FOXJ2: variants seen among roughly 807,000 people sequenced by gnomAD.
FOXJ2 encodes forkhead box J2.
FOXJ2 carries 18 observed loss-of-function variants against 68.4 expected under a neutral mutation model. The ratio of observed to expected loss-of-function variants is 0.26; its 90% CI spans 0.18 to 0.39. FOXJ2 has a LOEUF of 0.39. Ranked by LOEUF, FOXJ2 falls within the 10% of genes least tolerant of loss-of-function variation. FOXJ2 has a pLI of 1.00. For synonymous variants in FOXJ2, 274 were observed against 263.2 expected (o/e 1.04, Z -0.40); for missense variants, 670 against 726.5 (o/e 0.92, Z 0.89).
Position 8,048,728 on chromosome 12 carries a change from C to T in FOXJ2, c.1257C>T (p.Asp419=). The T allele has an allele frequency of 3.1e-6, 5 of 1,614,154 alleles. No individual in the cohort carries two copies. The highest frequency in any genetic ancestry group is 4.2e-6 in the Non-Finnish European group (5 of 1,180,022). The change falls in exon 8 of 11, where the codon GAC becomes GAT. Residue 419 remains aspartate (D), a synonymous_variant. Coordinates refer to ENST00000162391, the MANE Select transcript of FOXJ2 (RefSeq NM_018416.3). ...CTTCTGACTGGTGCTCTAATATTGA[C>T]TCTTTAAAGGAAAGCTTCAAGATGG... ...AFPSDWCSNI[D]SLKESFKMVN...
chr12:8,039,992 C>T lies in FOXJ2; in HGVS notation c.160C>T (p.Leu54=). ...PGSPTDPNAT[L]SKDEAAVHQD... ...GTCACCCACAGATCCTAATGCCACC[C>T]TGAGCAAAGACGAGGCAGCAGTGCA... is the stretch of plus-strand genomic sequence containing the variant. Residue 54 remains leucine, a synonymous_variant, in exon 2 of 11, where the codon CTG becomes TTG. Transcript: ENST00000162391. The T allele has an allele frequency of 1.2e-6, 2 of 1,614,140 alleles. No individual in the cohort carries two copies. Among genetic ancestry groups the T allele is most frequent in the Non-Finnish European group, 1.7e-6 (2 of 1,180,038 alleles).
At chr12:8,037,284 G>T (rs10846377) in intron 1 of FOXJ2, among the ~76,000 whole-genome samples, 70,223 of 151,688 alleles carry the variant, frequency 0.46, 18,216 homozygotes, top group African/African-American at 0.72. Context: ...AGAACGGTGC[G>T]GAAAGATCAA....
At chr12:8,050,425 G>A (rs1947100965) in intron 9 of FOXJ2, 97 bp from the exon 10 acceptor site, 2 of 1,491,436 alleles carry the variant, frequency 1.3e-6, no homozygotes, top group South Asian at 2.8e-5. Flanking sequence ...AAGAGAGAAG[G>A]AGGATGGGAG....
rs991296818 is a variant in FOXJ2, at chr12:8,042,675, C to T, written c.351C>T (p.Asn117=). The T allele has an allele frequency of 1.2e-6, 2 of 1,614,032 alleles. No individual in the cohort carries two copies. Among genetic ancestry groups the T allele is most frequent in the African/African-American group, 2.7e-5 (2 of 74,924 alleles). ...GIGWKNSIRH[N]LSLNKCFRKV... is the part of the protein sequence containing the mutation. ...CTCTCCAGAATTCAATACGGCACAA[C>T]CTTTCTCTCAACAAGTGTTTCCGGA... is the stretch of plus-strand genomic sequence containing the variant. The change falls in exon 3 of 11, where the codon AAC becomes AAT. Residue 117 remains asparagine, a synonymous_variant. Coordinates refer to ENST00000162391, the MANE Select transcript of FOXJ2 (RefSeq NM_018416.3).
chr12:8,050,155 G>A (rs898582308), intron 9 of FOXJ2: 11 of 215,332 alleles, frequency 5.1e-5, no homozygotes, highest in South Asian at 2.4e-4. Flanking sequence ...TTTGTATTTT[G>A]TGTATAGCTG....
At chr12:8,034,486 C>T (rs756804377) in intron 1 of FOXJ2, among the ~76,000 whole-genome samples, 9 of 152,278 alleles carry the variant, frequency 5.9e-5, no homozygotes, top group Non-Finnish European at 1.2e-4. Context: ...TGTTCTGAGG[C>T]GAGAAGAAAG....
intron 10 of FOXJ2, among the ~76,000 whole-genome samples, chr12:8,051,135 T>TCCCTTCCCCA (rs376171537): frequency 7.7e-6 from 1 of 130,520 alleles, no homozygotes; most frequent in Non-Finnish European, 1.6e-5. Context: ...TCCCTTCCCC[T>TCCCTTCCCCA]TTTCTTTTCT....
rs372118289 is a variant in FOXJ2 at position 8,047,961 on chromosome 12, A to ACAGCAG, written c.914_919dup (p.Gln305_Gln306dup). On this transcript the variant is annotated inframe_insertion, in exon 7 of 11. Coordinates refer to ENST00000162391, the MANE Select transcript of FOXJ2 (RefSeq NM_018416.3). Reference sequence around the variant, plus strand: ...AGCAGCAGCAGCCACCGCCACCTCAACAGCAGCAGCAGCAGCAGCAGCCGC... The same window carrying ACAGCAG: ...AGCAGCAGCAGCCACCGCCACCTCAACAGCAGCAGCAGCAGCAGCAGCAGCAGCCGC... 18 of 1,609,852 alleles carry ACAGCAG rather than the reference A, an allele frequency of 1.1e-5. No homozygotes were observed. The highest frequency in any genetic ancestry group is 3.3e-4 in the Middle Eastern group (2 of 6,018).
At position 8,035,804 on chromosome 12, in the gene FOXJ2, C is replaced by T. The variant is rs1946887646; in HGVS notation, c.-15+1971C>T. On this transcript the variant is annotated intron_variant, in intron 1 of 10. Transcript: ENST00000162391. This position sits in a 1 kb window ranked among gnomAD's most constrained non-coding sequence, Gnocchi z 4.0. The stretch of plus-strand genomic sequence containing the variant: ...TTTCCCAGACCATGTCTTATGACTA[C>T]ACCTAGTTCCCCCGGGAAGATAAGA... 6.6e-6 allele frequency among the ~76,000 whole-genome samples: 1 copy of T among 152,172 alleles called. No homozygotes were observed. The highest frequency in any genetic ancestry group is 2.1e-4 in the South Asian group (1 of 4,824).
At chr12:8,045,955 G>C (rs1246785204) in intron 6 of FOXJ2, among the ~76,000 whole-genome samples, 1 of 152,196 alleles carries the variant, frequency 6.6e-6, no homozygotes, top group Non-Finnish European at 1.5e-5. Flanking sequence ...CACTGTGCCT[G>C]ACCCATATTT....
chr12:8,041,300 C>G (rs746576277), intron 2 of FOXJ2, among the ~76,000 whole-genome samples: 3 of 151,842 alleles, frequency 2.0e-5, no homozygotes, highest in African/African-American at 7.3e-5. Context: ...CTCCTGGGTT[C>G]AAGCAATCCT....
rs1337085013 is a variant in FOXJ2 at position 8,049,405 on chromosome 12, C to T, written c.1371C>T (p.Thr457=). ...SLRQAEQKNW[T]LDQHHIANLC... is the part of the protein sequence containing the mutation. ...GACAGGCAGAGCAGAAGAACTGGAC[C>T]CTCGACCAGCATCACATTGCCAATC... The change falls in exon 9 of 11, where the codon ACC becomes ACT. Residue 457 remains threonine, a synonymous_variant. Transcript: ENST00000162391. The T allele has an allele frequency of 2.5e-6, 4 of 1,613,944 alleles. No individual in the cohort carries two copies. The highest frequency in any genetic ancestry group is 3.4e-6 in the Non-Finnish European group (4 of 1,179,960).
chr12:8,048,610 A>T, intron 7 of FOXJ2, 87 bp from the exon 8 acceptor site: 7 of 1,305,928 alleles, frequency 5.4e-6, no homozygotes, highest in Non-Finnish European at 7.7e-6. Context: ...AGATGCAAGA[A>T]TCTTGCATGT....
In FOXJ2 at chr12:8,040,158, G is replaced by T; in HGVS notation, c.326G>T (p.Gly109Val). The T allele has an allele frequency of 6.2e-7, 1 of 1,613,960 alleles. No individual in the cohort carries two copies. The highest frequency in any genetic ancestry group is 8.5e-7 in the Non-Finnish European group (1 of 1,179,816). ...NFPYYKNAGIGWKNSIRHNLS... is the reference protein window; with the variant it reads ...NFPYYKNAGIVWKNSIRHNLS... Reference sequence around the variant, plus strand: ...CCCTATTACAAGAATGCTGGCATTGGTTGGAAGGTGGGAATGCTTCTATAA... The same window carrying T: ...CCCTATTACAAGAATGCTGGCATTGTTTGGAAGGTGGGAATGCTTCTATAA... Residue 109 changes from glycine (G) to valine (V), a missense_variant, in exon 2 of 11, where the codon GGT becomes GTT. By Grantham distance (109) the Gly-to-Val change is moderately radical. Transcript: ENST00000162391. This position sits in a 1 kb window ranked among gnomAD's most constrained non-coding sequence, Gnocchi z 4.0.
At chr12:8,048,490 A>G (rs1186941321) in intron 7 of FOXJ2, among the ~76,000 whole-genome samples, 1 of 152,270 alleles carries the variant, frequency 6.6e-6, no homozygotes, top group Non-Finnish European at 1.5e-5. Flanking sequence ...TGTTTTACAT[A>G]TTCTCCTGAC....
At chr12:8,043,052 C>A (rs1053160434) in intron 3 of FOXJ2, among the ~76,000 whole-genome samples, 1 of 151,542 alleles carries the variant, frequency 6.6e-6, no homozygotes, top group Non-Finnish European at 1.5e-5. Context: ...CCCATCTGTA[C>A]TAAAAATACA....
chr12:8,050,723 G>C (rs185432664), intron 10 of FOXJ2, 103 bp downstream of exon 10: 26 of 1,306,694 alleles, frequency 2.0e-5, no homozygotes, highest in Admixed American at 3.8e-5. Flanking sequence ...CCTGCATCTC[G>C]CTGGAGGGAA....
chr12:8,048,507 C>T (rs1793137242), intron 7 of FOXJ2, among the ~76,000 whole-genome samples, 190 bp from the exon 8 acceptor site: 1 of 152,246 alleles, frequency 6.6e-6, no homozygotes, highest in Non-Finnish European at 1.5e-5. Flanking sequence ...TGACTATGAG[C>T]CTGGCTGTAC....
intron 2 of FOXJ2, 143 bp from the exon 3 acceptor site, chr12:8,042,515 G>A (rs943596178): frequency 2.5e-5 from 14 of 569,074 alleles, no homozygotes; most frequent in Admixed American, 3.0e-5. Context: ...TCCCTCCATC[G>A]GTGTAGTTAA....
Sources: gnomAD v4.1 joint callset for allele counts (sites outside exome capture counted in the v4.1 genomes callset) on GRCh38, gnomAD v4.1.1 for gene constraint, Gnocchi (gnomAD v3.1) non-coding constraint, MANE v1.5 for transcripts, NCBI Gene and HGNC (gene_info 2026-07-23, HGNC 2026-07-21) for gene names.